The following FMN2 variants were observed in gnomAD, a reference collection of about 807,000 sequenced individuals.
The protein encoded by FMN2 is formin-2.
Under a neutral mutation model 142.3 loss-of-function variants are expected in FMN2, and 51 were observed. The observed-to-expected ratio is 0.36, with a 90% CI of 0.29 to 0.45. The LOEUF (loss-of-function observed/expected upper bound fraction) is 0.45. Ranked by LOEUF, FMN2 falls within the 20% of genes least tolerant of loss-of-function variation. The pLI is 1.00. For missense variants in FMN2, 1,936 were observed against 2,122.8 expected (o/e 0.91, Z 1.73); for synonymous variants, 882 against 869.8 (o/e 1.01, Z -0.25).
chr1:240,370,389 T>C (rs572857833), intron 14 of FMN2, among the ~76,000 whole-genome samples: 4 of 152,328 alleles, frequency 2.6e-5, no homozygotes, highest in African/African-American at 9.6e-5. Flanking sequence ...TTCATAGTAT[T>C]TCACTATAAA....
rs115200199 is a variant in FMN2 at position 240,153,571 on chromosome 1, T to C, written c.1783-24350T>C. On this transcript the variant is annotated intron_variant, in intron 2 of 17. Coordinates refer to ENST00000319653, the MANE Select transcript of FMN2 (RefSeq NM_020066.5). ...GTAGAGACGAGGTCTCACTATGTTG[T>C]CCAGGCTGGCCTTGAACTCAGGGCT... Among the ~76,000 whole-genome samples, 824 of 151,996 alleles carry C rather than the reference T, an allele frequency of 5.4e-3. 4 individuals carry two copies. Among genetic ancestry groups the C allele is most frequent in the Non-Finnish European group, 8.7e-3 (594 of 67,968 alleles).
intron 4 of FMN2, among the ~76,000 whole-genome samples, chr1:240,188,784 T>G (rs1272696832): frequency 6.6e-6 from 1 of 152,208 alleles, no homozygotes; most frequent in African/African-American, 2.4e-5. Context: ...ATGGGCAATT[T>G]ACAAAAGAAA....
intron 6 of FMN2, among the ~76,000 whole-genome samples, chr1:240,223,653 G>A (rs564394753): frequency 6.6e-6 from 1 of 151,968 alleles, no homozygotes; most frequent in Non-Finnish European, 1.5e-5. Flanking sequence ...TTACTGCCTC[G>A]TTTTCAGAAC....
At chr1:240,178,684 T>G (rs2103325194) in intron 3 of FMN2, among the ~76,000 whole-genome samples, 1 of 152,218 alleles carries the variant, frequency 6.6e-6, no homozygotes, top group African/African-American at 2.4e-5. Context: ...TTCTCCTACC[T>G]CGGTCTCCTA....
intron 6 of FMN2, among the ~76,000 whole-genome samples, chr1:240,251,172 A>G (rs1668265719): frequency 1.3e-5 from 2 of 151,402 alleles, no homozygotes; most frequent in Non-Finnish European, 3.0e-5. Flanking sequence ...TAGATTGTTT[A>G]TTTGAGATCT....
chr1:240,441,739 G>C (rs1438666117), intron 16 of FMN2, among the ~76,000 whole-genome samples: 2 of 151,198 alleles, frequency 1.3e-5, no homozygotes. Flanking sequence ...ATCTGGTATA[G>C]CTCTCACTTT....
rs781539385 is a variant in FMN2 at position 240,092,697 on chromosome 1, T to G, written c.588T>G (p.Leu196=). ...CGGCTACGGAGCAAGAGGATTTGCT[T>G]TCAGACATCCAGCAGGCGATCCGCC... is the stretch of plus-strand genomic sequence containing the variant. ...FHSATEQEDL[L]SDIQQAIRLQ... is the part of the protein sequence containing the mutation. Residue 196 remains leucine, a synonymous_variant, in exon 1 of 18, where the codon CTT becomes CTG. Coordinates refer to ENST00000319653, the MANE Select transcript of FMN2 (RefSeq NM_020066.5). 1.9e-6 allele frequency: 3 copies of G among 1,613,916 alleles called. No homozygotes were observed. The highest frequency in any genetic ancestry group is 2.5e-6 in the Non-Finnish European group (3 of 1,179,934).
chr1:240,170,722 A>C, intron 2 of FMN2: 1 of 1,537,966 alleles, frequency 6.5e-7, no homozygotes, highest in Non-Finnish European at 9.0e-7. Context: ...TGCTGCTGTG[A>C]ACACTGTCAA....
chr1:240,458,588 T>C (rs1676331104), intron 16 of FMN2: 1 of 152,186 alleles, frequency 6.6e-6, no homozygotes, highest in Non-Finnish European at 1.5e-5. Context: ...TCACTGGCTT[T>C]AATAAAAAAC....
intron 16 of FMN2, among the ~76,000 whole-genome samples, chr1:240,467,645 G>T (rs1206465559): frequency 1.3e-5 from 2 of 152,196 alleles, no homozygotes; most frequent in African/African-American, 4.8e-5. Context: ...AGATAGTACC[G>T]TAAAGGGGGC....
At position 240,257,165 on chromosome 1, in the gene FMN2, T is replaced by A. The variant is rs186528714; in HGVS notation, c.4066-780T>A. 2.2e-3 allele frequency among the ~76,000 whole-genome samples: 342 copies of A among 152,340 alleles called. 3 individuals are homozygous for A. The highest frequency in any genetic ancestry group is 7.7e-3 in the African/African-American group (320 of 41,578). On this transcript the variant is annotated intron_variant, in intron 6 of 17. Transcript: ENST00000319653. ...TTTCATAAGCAGAATTTCCTGGTGA[T>A]GCTGTTGTCTGGAAAACATGGTCAA...
At chr1:240,436,240 C>T (rs78811219) in intron 15 of FMN2, among the ~76,000 whole-genome samples, 2,999 of 152,250 alleles carry the variant, frequency 0.02, 98 homozygotes, top group African/African-American at 0.068. Context: ...ATTGACTGTA[C>T]TCTGTCATTT....
chr1:240,333,854 T>TA (rs1671466795), intron 11 of FMN2, 33 bp from the exon 12 acceptor site: 1 of 1,541,842 alleles, frequency 6.5e-7, no homozygotes, highest in Non-Finnish European at 8.8e-7. Flanking sequence ...AGTTAAAAAA[T>TA]ATATTGTCAC....
intron 6 of FMN2, among the ~76,000 whole-genome samples, chr1:240,250,022 C>A (rs1668224164): frequency 6.6e-6 from 1 of 152,028 alleles, no homozygotes; most frequent in Non-Finnish European, 1.5e-5. Flanking sequence ...AAGCTTATGT[C>A]ATTTGTAAAG....
intron 2 of FMN2, chr1:240,144,128 C>T: frequency 2.4e-6 from 3 of 1,236,620 alleles, no homozygotes; most frequent in Non-Finnish European, 3.6e-6. Context: ...CCCACAGCAG[C>T]AGCATCCCAA....
intron 15 of FMN2, among the ~76,000 whole-genome samples, chr1:240,426,795 G>A (rs1674949954): frequency 6.6e-6 from 1 of 152,058 alleles, no homozygotes; most frequent in South Asian, 2.1e-4. Flanking sequence ...GAGTACAATG[G>A]CATGATCTTG....
Position 240,211,614 on chromosome 1 carries a change from A to G in FMN2, c.4065+379A>G, listed in dbSNP as rs552936531. On this transcript the variant is annotated intron_variant, in intron 6 of 17. Coordinates refer to ENST00000319653, the MANE Select transcript of FMN2 (RefSeq NM_020066.5). ...CAAAGGAAAACAATCAAGAAATCCA[A>G]TCCTTAGTAACTGATAATGTGTTTG... 7.4e-4 allele frequency among the ~76,000 whole-genome samples: 113 copies of G among 152,276 alleles called. 1 individual carries two copies. In the South Asian group the frequency reaches 0.022, roughly 30 times the overall value.
chr1:240,158,995 G>T (rs1169432458), intron 2 of FMN2, among the ~76,000 whole-genome samples: 3 of 152,104 alleles, frequency 2.0e-5, no homozygotes, highest in Admixed American at 2.0e-4. Context: ...TTATAAAACT[G>T]CTATAAAACA....
chr1:240,354,167 G>A (rs955931956), intron 13 of FMN2, among the ~76,000 whole-genome samples: 3 of 152,110 alleles, frequency 2.0e-5, no homozygotes, highest in African/African-American at 7.2e-5. Flanking sequence ...GCTGTGAGGA[G>A]GAGCATGGAT....
Sources: allele counts gnomAD v4.1 joint callset (sites outside exome capture counted in the v4.1 genomes callset), GRCh38; gene constraint gnomAD v4.1.1; transcripts MANE v1.5; gene names NCBI Gene and HGNC (gene_info 2026-07-23, HGNC 2026-07-21).